The following CDH12 variants were observed in gnomAD, a reference collection of about 807,000 sequenced individuals.
CDH12 encodes cadherin-12.
Under a neutral mutation model 74.1 loss-of-function variants are expected in CDH12, and 41 were observed. That is an observed-to-expected ratio of 0.55 (90% confidence interval 0.43 to 0.72). CDH12 has a LOEUF of 0.72. CDH12 is among the 30% of genes least tolerant of loss of function. CDH12 has a pLI of 0.00. For synonymous variants in CDH12, 399 were observed against 355.0 expected (o/e 1.12, Z -1.39); for missense variants, 945 against 977.2 (o/e 0.97, Z 0.44).
chr5:22,438,663 C>A (rs1042241821), intron 2 of CDH12, among the ~76,000 whole-genome samples: 1 of 151,924 alleles, frequency 6.6e-6, no homozygotes, highest in East Asian at 1.9e-4. Flanking sequence ...GGCTACTGTA[C>A]TGGACAATGC....
chr5:21,821,181 G>A (rs1402865138), intron 8 of CDH12, among the ~76,000 whole-genome samples: 1 of 151,748 alleles, frequency 6.6e-6, no homozygotes, highest in East Asian at 1.9e-4. Context: ...TAAACTGTGT[G>A]TCGGGCGGGG....
chr5:21,885,426 T>C (rs1161408559), intron 6 of CDH12, among the ~76,000 whole-genome samples: 2 of 152,166 alleles, frequency 1.3e-5, no homozygotes, highest in Admixed American at 6.5e-5. Flanking sequence ...AATGGTTATA[T>C]GCCTGTTGAA....
chr5:22,162,520 G>C (rs1380108530), intron 4 of CDH12, among the ~76,000 whole-genome samples: 2 of 152,160 alleles, frequency 1.3e-5, no homozygotes, highest in African/African-American at 4.8e-5. Flanking sequence ...ACAACGTCAA[G>C]CTCCCAATGC....
rs1170632681 is a variant in CDH12 at position 21,855,623 on chromosome 5, T to C, written c.527-833A>G. Among the ~76,000 whole-genome samples, 3 of 151,570 alleles carry C rather than the reference T, an allele frequency of 2.0e-5. No homozygotes were observed. The Admixed American group carries it at 2.0e-4, about 10-fold the overall frequency. On this transcript the variant is annotated intron_variant, in intron 6 of 14. Transcript: ENST00000382254. Reference sequence around the variant, plus strand: ...AATTGTAGCAAATAAAATAGACATATATATATATGTATGTGTATATATGTA... The same window carrying C: ...AATTGTAGCAAATAAAATAGACATACATATATATGTATGTGTATATATGTA...
At chr5:22,190,516 T>C (rs1750215843) in intron 4 of CDH12, among the ~76,000 whole-genome samples, 1 of 152,160 alleles carries the variant, frequency 6.6e-6, no homozygotes, top group Non-Finnish European at 1.5e-5. Flanking sequence ...AAATTTACCA[T>C]ATCATAAAAA....
chr5:21,779,243 T>C (rs1346530665), intron 11 of CDH12: 1 of 152,194 alleles, frequency 6.6e-6, no homozygotes, highest in African/African-American at 2.4e-5. Context: ...ATTTTGTTTT[T>C]CTTTTTTGAG....
chr5:22,530,189 T>C (rs1241648316), intron 1 of CDH12, among the ~76,000 whole-genome samples: 1 of 152,174 alleles, frequency 6.6e-6, no homozygotes, highest in Non-Finnish European at 1.5e-5. Context: ...AGTAAAATAA[T>C]TGAACTCATC....
intron 1 of CDH12, among the ~76,000 whole-genome samples, chr5:22,779,610 T>A (rs1367962826): frequency 6.6e-6 from 1 of 152,174 alleles, no homozygotes; most frequent in African/African-American, 2.4e-5. Flanking sequence ...GATTGGATCA[T>A]GGAGGCAGTT....
chr5:22,541,754 C>T (rs548164700), intron 1 of CDH12, among the ~76,000 whole-genome samples: 23 of 152,244 alleles, frequency 1.5e-4, no homozygotes, highest in African/African-American at 5.5e-4. Flanking sequence ...GGATCTATAC[C>T]TTAGAGATGT....
intron 1 of CDH12, among the ~76,000 whole-genome samples, chr5:22,728,034 GTTATC>G (rs1000248882): frequency 6.6e-6 from 1 of 151,364 alleles, no homozygotes; most frequent in Non-Finnish European, 1.5e-5. Flanking sequence ...TTCACCATTT[GTTATC>G]TTATTATAAT....
At chr5:22,827,708 C>T (rs1736408825) in intron 1 of CDH12, among the ~76,000 whole-genome samples, 1 of 152,056 alleles carries the variant, frequency 6.6e-6, no homozygotes, top group African/African-American at 2.4e-5. Flanking sequence ...ATCCAAAGAA[C>T]TTAAAACTGA....
chr5:22,300,965 G>A (rs1737855813), intron 3 of CDH12, among the ~76,000 whole-genome samples: 1 of 152,022 alleles, frequency 6.6e-6, no homozygotes, highest in South Asian at 2.1e-4. Flanking sequence ...GTATAAAATG[G>A]ATTAATATTT....
At chr5:22,525,267 C>T (rs2126692655) in intron 1 of CDH12, among the ~76,000 whole-genome samples, 1 of 152,236 alleles carries the variant, frequency 6.6e-6, no homozygotes, top group East Asian at 1.9e-4. Flanking sequence ...CCACAATAAA[C>T]ATACATGTGC....
At chr5:21,876,499 T>G (rs887255649) in intron 6 of CDH12, among the ~76,000 whole-genome samples, 2 of 152,206 alleles carry the variant, frequency 1.3e-5, no homozygotes, top group Admixed American at 1.3e-4. Context: ...TGGAGGACAT[T>G]TTAAGCTTTT....
At chr5:22,578,957 C>T (rs1739938153) in intron 1 of CDH12, among the ~76,000 whole-genome samples, 1 of 152,106 alleles carries the variant, frequency 6.6e-6, no homozygotes, top group Admixed American at 6.6e-5. Context: ...CAAGAAACTG[C>T]TTTGTGAGTG....
At chr5:22,675,400 A>T (rs912048782) in intron 1 of CDH12, among the ~76,000 whole-genome samples, 1 of 152,152 alleles carries the variant, frequency 6.6e-6, no homozygotes, top group East Asian at 1.9e-4. Flanking sequence ...ATTTCAGAGG[A>T]TGTATGGAAA....
chr5:22,475,303 T>C (rs1031797060), intron 2 of CDH12, among the ~76,000 whole-genome samples: 1 of 151,878 alleles, frequency 6.6e-6, no homozygotes, highest in Admixed American at 6.6e-5. Context: ...ATGTTTTAAG[T>C]CTATACTTCA....
At chr5:22,287,636 T>C (rs1268421173) in intron 3 of CDH12, among the ~76,000 whole-genome samples, 1 of 147,002 alleles carries the variant, frequency 6.8e-6, no homozygotes, top group African/African-American at 2.5e-5. Flanking sequence ...GGCAGGAGAA[T>C]GGCGTGAACC....
At chr5:21,852,228 A>T (rs993180454) in intron 7 of CDH12, among the ~76,000 whole-genome samples, 2 of 151,388 alleles carry the variant, frequency 1.3e-5, no homozygotes, top group Non-Finnish European at 3.0e-5. Flanking sequence ...TTTCCTGCCT[A>T]GTGGTCTAAG....
Sources: allele counts gnomAD v4.1 joint callset (sites outside exome capture counted in the v4.1 genomes callset), GRCh38; gene constraint gnomAD v4.1.1; transcripts MANE v1.5; gene names NCBI Gene and HGNC (gene_info 2026-07-23, HGNC 2026-07-21).